Variants in HS3ST4 observed in about 807,000 individuals in gnomAD.
The protein encoded by HS3ST4 is heparan sulfate glucosamine 3-O-sulfotransferase 4.
In HS3ST4, 17 loss-of-function variants were observed where a neutral mutation model predicts 29.2. The ratio of observed to expected loss-of-function variants is 0.58; its 90% CI spans 0.40 to 0.87. The LOEUF (loss-of-function observed/expected upper bound fraction) is 0.87, where lower values mean the gene tolerates loss of function less well. Among genes scored for constraint, HS3ST4 ranks in the 40% least tolerant of loss-of-function variants. HS3ST4 has a pLI of 0.00. For synonymous variants in HS3ST4, 314 were observed against 285.7 expected (o/e 1.10, Z -1.00); for missense variants, 627 against 634.5 (o/e 0.99, Z 0.13).
chr16:26,019,400 A>C (rs1969390026), intron 1 of HS3ST4, among the ~76,000 whole-genome samples: 1 of 152,184 alleles, frequency 6.6e-6, no homozygotes, highest in Non-Finnish European at 1.5e-5. Flanking sequence ...TATTAATCCA[A>C]GTGCCTTTTT....
At chr16:25,750,552 G>A (rs1966712487) in intron 1 of HS3ST4, among the ~76,000 whole-genome samples, 2 of 152,214 alleles carry the variant, frequency 1.3e-5, no homozygotes, top group African/African-American at 2.4e-5. Context: ...AGAGTACAGT[G>A]TGGCTCTTGA....
At chr16:25,969,666 T>A (rs1968877738) in intron 1 of HS3ST4, among the ~76,000 whole-genome samples, 1 of 152,204 alleles carries the variant, frequency 6.6e-6, no homozygotes. Flanking sequence ...TACGGGCTCA[T>A]GTCAGTGTTG....
intron 1 of HS3ST4, among the ~76,000 whole-genome samples, chr16:25,936,699 G>T (rs1314717886): frequency 6.6e-6 from 1 of 152,212 alleles, no homozygotes; most frequent in Non-Finnish European, 1.5e-5. Context: ...ATAAAGAGAT[G>T]AATAAGGCTG....
intron 1 of HS3ST4, among the ~76,000 whole-genome samples, chr16:25,926,467 T>C (rs1405680293): frequency 6.6e-6 from 1 of 152,262 alleles, no homozygotes; most frequent in African/African-American, 2.4e-5. Context: ...GAACAGTCTG[T>C]GTATGACTGG....
chr16:25,862,194 T>C (rs1433306408), intron 1 of HS3ST4, among the ~76,000 whole-genome samples: 1 of 150,090 alleles, frequency 6.7e-6, no homozygotes, highest in East Asian at 2.0e-4. Flanking sequence ...TATTTATTTA[T>C]TTATTTATTT....
At chr16:26,078,523 C>A (rs1368058105) in intron 1 of HS3ST4, among the ~76,000 whole-genome samples, 3 of 152,150 alleles carry the variant, frequency 2.0e-5, no homozygotes, top group African/African-American at 7.2e-5. Context: ...TATTAGCTGG[C>A]AGCAGCAGGT....
chr16:26,115,518 G>A (rs1285821321), intron 1 of HS3ST4, among the ~76,000 whole-genome samples: 7 of 152,070 alleles, frequency 4.6e-5, no homozygotes, highest in African/African-American at 9.7e-5. Flanking sequence ...CACCTGTTCA[G>A]AGAAAAGCCA....
At chr16:25,987,393 G>A (rs902405514) in intron 1 of HS3ST4, among the ~76,000 whole-genome samples, 1 of 151,916 alleles carries the variant, frequency 6.6e-6, no homozygotes, top group African/African-American at 2.4e-5. Flanking sequence ...TACTATTTAT[G>A]GAGTTAGTTT....
intron 1 of HS3ST4, among the ~76,000 whole-genome samples, chr16:26,010,471 G>T (rs1251631317): frequency 6.7e-6 from 1 of 148,922 alleles, no homozygotes; most frequent in African/African-American, 2.5e-5. Flanking sequence ...GAAAAAAAAG[G>T]AAAAAGAAAA....
chr16:26,002,593 C>T (rs115664460), intron 1 of HS3ST4, among the ~76,000 whole-genome samples: 1,728 of 147,346 alleles, frequency 0.012, 29 homozygotes, highest in African/African-American at 0.041. Context: ...GGTGGCGGAG[C>T]GAGACACTGC....
At chr16:25,880,337 G>A (rs1279312948) in intron 1 of HS3ST4, among the ~76,000 whole-genome samples, 1 of 152,136 alleles carries the variant, frequency 6.6e-6, no homozygotes, top group African/African-American at 2.4e-5. Context: ...TGCCTGACAC[G>A]TGGTTAACAC....
intron 1 of HS3ST4, among the ~76,000 whole-genome samples, chr16:25,717,398 G>T (rs188214707): frequency 3.0e-4 from 45 of 152,122 alleles, no homozygotes; most frequent in African/African-American, 1.1e-3. Context: ...TATAATAAAG[G>T]CTGCAATTTG....
At chr16:26,030,389 G>A (rs1359849543) in intron 1 of HS3ST4, among the ~76,000 whole-genome samples, 1 of 152,096 alleles carries the variant, frequency 6.6e-6, no homozygotes, top group African/African-American at 2.4e-5. Flanking sequence ...CTAGGCACCG[G>A]GTGAGACGCC....
intron 1 of HS3ST4, among the ~76,000 whole-genome samples, chr16:26,112,014 C>CAA (rs33971867): frequency 0.37 from 50,158 of 135,884 alleles, 9,528 homozygotes; most frequent in African/African-American, 0.44. Context: ...AGACTCCACT[C>CAA]AAAAAAAAAA....
intron 1 of HS3ST4, among the ~76,000 whole-genome samples, chr16:25,771,547 GT>G (rs1195904282): frequency 2.0e-5 from 3 of 151,992 alleles, no homozygotes; most frequent in Admixed American, 2.0e-4. Context: ...TAGTTCAGAT[GT>G]TACTATGGGA....
At chr16:25,821,315 C>T (rs563539643) in intron 1 of HS3ST4, among the ~76,000 whole-genome samples, 1 of 152,152 alleles carries the variant, frequency 6.6e-6, no homozygotes, top group Non-Finnish European at 1.5e-5. Context: ...CTTTGGCCTC[C>T]CGCACCTTTG....
chr16:25,962,313 TG>T (rs1968802643), intron 1 of HS3ST4, among the ~76,000 whole-genome samples: 1 of 152,148 alleles, frequency 6.6e-6, no homozygotes, highest in African/African-American at 2.4e-5. Flanking sequence ...ACAGAAAGTA[TG>T]AGCAAAGTGA....
At chr16:25,732,960 A>T (rs1234960220) in intron 1 of HS3ST4, among the ~76,000 whole-genome samples, 1 of 152,160 alleles carries the variant, frequency 6.6e-6, no homozygotes, top group African/African-American at 2.4e-5. Context: ...GTCTGTCTTC[A>T]TCATTAGTAG....
At chr16:25,737,699 AT>A (rs953392977) in intron 1 of HS3ST4, among the ~76,000 whole-genome samples, 9 of 152,288 alleles carry the variant, frequency 5.9e-5, no homozygotes, top group African/African-American at 1.9e-4. Context: ...CAATATATTC[AT>A]GTAACACAAC....
Sources: allele counts gnomAD v4.1 joint callset (sites outside exome capture counted in the v4.1 genomes callset), GRCh38; gene constraint gnomAD v4.1.1; transcripts MANE v1.5; gene names NCBI Gene and HGNC (gene_info 2026-07-23, HGNC 2026-07-21).